Variants in GLI2 observed in about 807,000 individuals in gnomAD.
GLI2 encodes GLI family zinc finger 2, also known as transcription activator GLI2.
A neutral mutation model predicts 78.9 loss-of-function variants in GLI2; 22 were observed. The ratio of observed to expected loss-of-function variants is 0.28; its 90% CI spans 0.20 to 0.40. The LOEUF (loss-of-function observed/expected upper bound fraction) is 0.40, where lower values mean the gene tolerates loss of function less well. Among genes scored for constraint, GLI2 ranks in the 10% least tolerant of loss-of-function variants. GLI2 has a pLI of 1.00. For synonymous variants in GLI2, 974 were observed against 963.7 expected, an observed-to-expected ratio of 1.01 and a Z score of -0.20; for missense variants, 2,097 against 2,213.2, an observed-to-expected ratio of 0.95 and a Z score of 1.05.
chr2:120,770,276 C>G (rs563514205), intron 1 of GLI2, among the ~76,000 whole-genome samples: 1 of 152,336 alleles, frequency 6.6e-6, no homozygotes, highest in African/African-American at 2.4e-5. Flanking sequence ...CAGGCCTTGC[C>G]TGGCTGTCTC....
intron 2 of GLI2, among the ~76,000 whole-genome samples, chr2:120,882,241 C>T (rs1334763608): frequency 6.6e-6 from 1 of 152,048 alleles, no homozygotes; most frequent in East Asian, 1.9e-4. Context: ...GTGACATGGA[C>T]AACGTGAGGG....
chr2:120,829,991 G>A (rs1040381047), intron 2 of GLI2, among the ~76,000 whole-genome samples: 22 of 152,212 alleles, frequency 1.4e-4, no homozygotes, highest in Admixed American at 1.4e-3. Flanking sequence ...ATATGTGCAC[G>A]TGTGTGTAAA....
At chr2:120,839,649 G>T (rs1270398701) in intron 2 of GLI2, among the ~76,000 whole-genome samples, 3 of 152,086 alleles carry the variant, frequency 2.0e-5, no homozygotes, top group East Asian at 1.9e-4. Context: ...TGCAACCTCC[G>T]CCTCCCAGGT....
At chr2:120,801,079 A>G (rs1280653862) in intron 2 of GLI2, among the ~76,000 whole-genome samples, 3 of 151,972 alleles carry the variant, frequency 2.0e-5, no homozygotes, top group East Asian at 1.9e-4. Flanking sequence ...CTAGAATTGC[A>G]TGGCTTGAGT....
chr2:120,978,345 G>A (rs1490459681), intron 9 of GLI2, 89 bp from the exon 10 acceptor site: 2 of 1,447,180 alleles, frequency 1.4e-6, no homozygotes, highest in Non-Finnish European at 1.9e-6. Flanking sequence ...GGCTGGGGGG[G>A]TGCCGGTGCA....
In GLI2 at chr2:120,841,810, C is replaced by CCAGAGA. The variant is rs10669746; in HGVS notation, c.148+44343_148+44344insAGAGAC. On this transcript the variant is annotated intron_variant, in intron 2 of 13. Transcript: ENST00000361492. Reference sequence around the variant, plus strand: ...GTGGGCCAGTTGGGGTCTCTGGTTCCCCAGTTGGGAGGAGGACCATTGCAA... The same window carrying CCAGAGA: ...GTGGGCCAGTTGGGGTCTCTGGTTCCCAGAGACCAGTTGGGAGGAGGACCATTGCAA... 2.3e-3 allele frequency among the ~76,000 whole-genome samples: 339 copies of CCAGAGA among 148,328 alleles called. 1 individual carries two copies. Among genetic ancestry groups the CCAGAGA allele is most frequent in the African/African-American group, 8.2e-3 (328 of 39,796 alleles).
At chr2:120,947,593 G>A (rs58924275) in intron 3 of GLI2, among the ~76,000 whole-genome samples, 15,400 of 152,178 alleles carry the variant, frequency 0.1, 2,493 homozygotes, top group African/African-American at 0.35. Flanking sequence ...TTCCAGGCCA[G>A]CAGACACTCT....
rs142775128 is a variant in GLI2 at position 120,984,646 on chromosome 2, C to T, written c.1808C>T (p.Thr603Met). 2.0e-3 allele frequency: 3,212 copies of T among 1,614,054 alleles called. 22 individuals are homozygous for T. Among genetic ancestry groups the T allele is most frequent in the South Asian group, 0.01 (940 of 91,088 alleles). ...LKENGDSEAG[T>M]EPGGPESTEA... is the part of the protein sequence containing the mutation. ...GAGAATGGGGACAGTGAGGCCGGCA[C>T]GGAGCCTGGCGGCCCAGAGAGCACC... Residue 603 changes from threonine (T) to methionine (M), a missense_variant, in exon 12 of 14, where the codon ACG becomes ATG. Physicochemically the swap from Thr to Met is moderately conservative, Grantham distance 81. Around this residue, in one of 5 missense-constraint regions of GLI2, gnomAD observed 57 missense variants for 44.5 expected, o/e 1.28. Transcript: ENST00000361492.
intron 1 of GLI2, among the ~76,000 whole-genome samples, chr2:120,769,682 T>C (rs772456050): frequency 7.3e-5 from 11 of 151,618 alleles, no homozygotes; most frequent in Middle Eastern, 3.4e-3. Context: ...AGCGTGTGTG[T>C]GTTTGGGCAC....
At chr2:120,870,641 C>T (rs950590609) in intron 2 of GLI2, among the ~76,000 whole-genome samples, 2 of 152,186 alleles carry the variant, frequency 1.3e-5, no homozygotes, top group Non-Finnish European at 2.9e-5. Context: ...CTGAGCTGAC[C>T]ACTTGCCCTT....
intron 2 of GLI2, among the ~76,000 whole-genome samples, chr2:120,892,939 G>A (rs1677750058): frequency 6.6e-6 from 1 of 152,216 alleles, no homozygotes; most frequent in Admixed American, 6.5e-5. Flanking sequence ...ACCCAATGGG[G>A]TTGTTGCCAC....
At chr2:120,907,400 G>A (rs10167640) in intron 2 of GLI2, among the ~76,000 whole-genome samples, 8,125 of 152,230 alleles carry the variant, frequency 0.053, 644 homozygotes, top group African/African-American at 0.17. Context: ...TGGGCTGCAC[G>A]GTGGAGACTG....
At chr2:120,806,634 T>C (rs1684965631) in intron 2 of GLI2, among the ~76,000 whole-genome samples, 1 of 152,124 alleles carries the variant, frequency 6.6e-6, no homozygotes, top group Non-Finnish European at 1.5e-5. Flanking sequence ...GCCTGGCATA[T>C]GGGGTCTGAA....
chr2:120,868,425 TTTC>T (rs1346893149), intron 2 of GLI2, among the ~76,000 whole-genome samples: 1 of 152,234 alleles, frequency 6.6e-6, no homozygotes, highest in Non-Finnish European at 1.5e-5. Flanking sequence ...CTATCGAATC[TTTC>T]TTCTTTTGAC....
At chr2:120,768,512 C>T (rs1426517225) in intron 1 of GLI2, among the ~76,000 whole-genome samples, 1 of 152,238 alleles carries the variant, frequency 6.6e-6, no homozygotes, top group Non-Finnish European at 1.5e-5. Context: ...GAAGGGGCTC[C>T]GTCTACAGAG....
Position 120,989,177 on chromosome 2 carries a change from C to T in GLI2, c.3212C>T (p.Thr1071Met), listed in dbSNP as rs767322106. Residue 1071 changes from threonine (T) to methionine (M), a missense_variant, in exon 14 of 14, where the codon ACG becomes ATG. Transcript: ENST00000361492. ...LDEGTGQVYPTESTGFSDNPR... is the reference protein window; with the variant it reads ...LDEGTGQVYPMESTGFSDNPR... ...GAGGGCACCGGGCAGGTGTATCCCA[C>T]GGAAAGCACTGGCTTCTCTGACAAC... 3.7e-6 allele frequency: 6 copies of T among 1,613,248 alleles called. No homozygotes were observed. In the East Asian group the frequency reaches 6.7e-5, roughly 18 times the overall value.
At chr2:120,809,227 C>G (rs1273901919) in intron 2 of GLI2, among the ~76,000 whole-genome samples, 4 of 152,156 alleles carry the variant, frequency 2.6e-5, no homozygotes, top group African/African-American at 7.2e-5. Flanking sequence ...CACAAATGAA[C>G]CTCGCAAACA....
chr2:120,828,861 CAAAAAAAAA>C (rs3053863), intron 2 of GLI2, among the ~76,000 whole-genome samples: 1 of 125,978 alleles, frequency 7.9e-6, no homozygotes, highest in Non-Finnish European at 1.6e-5. Flanking sequence ...CTTCCAACTC[CAAAAAAAAA>C]AAAAAAAGAT....
intron 1 of GLI2, among the ~76,000 whole-genome samples, chr2:120,780,702 C>T (rs1683819028): frequency 6.6e-6 from 1 of 152,208 alleles, no homozygotes; most frequent in Non-Finnish European, 1.5e-5. Context: ...GCCTGCCACC[C>T]GGGTTCCCAG....
Sources: allele counts gnomAD v4.1 joint callset (sites outside exome capture counted in the v4.1 genomes callset), GRCh38; gene constraint gnomAD v4.1.1; regional missense constraint gnomAD v4.1.1; transcripts MANE v1.5; gene names NCBI Gene and HGNC (gene_info 2026-07-23, HGNC 2026-07-21).